The following FHIT variants were observed in gnomAD, a reference collection of about 807,000 sequenced individuals.
FHIT encodes the protein fragile histidine triad diadenosine triphosphatase, also known as bis(5'-adenosyl)-triphosphatase.
FHIT carries 19 observed loss-of-function variants against 17.9 expected under a neutral mutation model. The observed-to-expected ratio is 1.06, with a 90% CI of 0.74 to 1.56. The LOEUF (loss-of-function observed/expected upper bound fraction) is 1.56. FHIT is among the 40% of genes most tolerant of loss of function. The probability of loss-of-function intolerance (pLI) is 0.00; values close to 1 mark genes in which losing one functional copy is unlikely to be tolerated. For synonymous variants in FHIT, 81 were observed against 69.7 expected, an observed-to-expected ratio of 1.16 and a Z score of -0.81; for missense variants, 248 against 189.2, an observed-to-expected ratio of 1.31 and a Z score of -1.82.
At chr3:60,342,711 T>C (rs1338257560) in intron 5 of FHIT, among the ~76,000 whole-genome samples, 1 of 152,170 alleles carries the variant, frequency 6.6e-6, no homozygotes, top group Admixed American at 6.6e-5. Context: ...AGAAGTAAGA[T>C]GTTTAACTAA....
At chr3:60,908,734 G>C (rs62251569) in intron 3 of FHIT, among the ~76,000 whole-genome samples, 1 of 148,412 alleles carries the variant, frequency 6.7e-6, no homozygotes, top group Non-Finnish European at 1.5e-5. Context: ...AAAAAAAAGG[G>C]AGGGGACCAG....
intron 8 of FHIT, among the ~76,000 whole-genome samples, chr3:59,772,384 G>C (rs1178793623): frequency 6.6e-6 from 1 of 152,218 alleles, no homozygotes; most frequent in Non-Finnish European, 1.5e-5. Context: ...AGCAATGCAG[G>C]TGGAAGCCAT....
At chr3:60,225,043 G>T (rs1222267091) in intron 5 of FHIT, among the ~76,000 whole-genome samples, 1 of 152,080 alleles carries the variant, frequency 6.6e-6, no homozygotes, top group Non-Finnish European at 1.5e-5. Flanking sequence ...TTTTAAATCA[G>T]TACTGGAGTA....
chr3:61,223,686 AG>A (rs748665329), intron 1 of FHIT, among the ~76,000 whole-genome samples: 19 of 152,228 alleles, frequency 1.2e-4, no homozygotes, highest in Non-Finnish European at 2.4e-4. Context: ...GGTGTATCTC[AG>A]TAAGTCCCCA....
intron 7 of FHIT, among the ~76,000 whole-genome samples, chr3:59,951,458 T>TA (rs1457963879): frequency 6.6e-6 from 1 of 152,232 alleles, no homozygotes; most frequent in Non-Finnish European, 1.5e-5. Flanking sequence ...AACTATCTTC[T>TA]AGCACTTTCT....
intron 4 of FHIT, among the ~76,000 whole-genome samples, chr3:60,562,583 A>G (rs1298604334): frequency 2.0e-5 from 3 of 152,160 alleles, no homozygotes; most frequent in African/African-American, 7.2e-5. Context: ...GCCTACTTGG[A>G]GGGTATAATA....
At chr3:60,142,678 GTTTCTTTTTTTT>G (rs1308373561) in intron 5 of FHIT, among the ~76,000 whole-genome samples, 4 of 146,108 alleles carry the variant, frequency 2.7e-5, no homozygotes, top group East Asian at 2.0e-4. Flanking sequence ...ACATTTTTGC[GTTTCTTTTTTTT>G]TTTCTTTTTT....
intron 5 of FHIT, among the ~76,000 whole-genome samples, chr3:60,159,563 AC>A (rs1481412304): frequency 4.6e-5 from 7 of 152,218 alleles, no homozygotes; most frequent in African/African-American, 1.7e-4. Context: ...AAAAGCACAC[AC>A]CTTCTTAGCA....
intron 5 of FHIT, among the ~76,000 whole-genome samples, chr3:60,041,131 C>T (rs1362315132): frequency 1.3e-5 from 2 of 152,128 alleles, no homozygotes; most frequent in African/African-American, 2.4e-5. Context: ...AATATTTTTA[C>T]ATCTCCCACC....
At chr3:60,916,275 T>C (rs1436962387) in intron 3 of FHIT, among the ~76,000 whole-genome samples, 1 of 152,232 alleles carries the variant, frequency 6.6e-6, no homozygotes, top group Non-Finnish European at 1.5e-5. Context: ...AATAAATTAC[T>C]AGAAATGGAA....
At chr3:60,542,111 T>C (rs904812377) in intron 4 of FHIT, among the ~76,000 whole-genome samples, 3 of 152,248 alleles carry the variant, frequency 2.0e-5, no homozygotes, top group Non-Finnish European at 2.9e-5. Flanking sequence ...ATTTTTAAAT[T>C]TGTATATAAA....
chr3:59,807,851 T>C (rs1466303624), intron 8 of FHIT, among the ~76,000 whole-genome samples: 1 of 152,192 alleles, frequency 6.6e-6, no homozygotes, highest in East Asian at 1.9e-4. Flanking sequence ...TAAACTTGTT[T>C]GGTTTCATGG....
chr3:60,090,817 C>A, intron 5 of FHIT, among the ~76,000 whole-genome samples: 1 of 152,194 alleles, frequency 6.6e-6, no homozygotes, highest in East Asian at 1.9e-4. Flanking sequence ...TTCTTAGAAG[C>A]AAAGGGCCTG....
chr3:60,075,158 G>T (rs1230445756), intron 5 of FHIT, among the ~76,000 whole-genome samples: 1 of 152,068 alleles, frequency 6.6e-6, no homozygotes, highest in Non-Finnish European at 1.5e-5. Context: ...AGGAAATAAA[G>T]GCACATTTTA....
At chr3:60,765,852 G>A (rs1289467607) in intron 4 of FHIT, among the ~76,000 whole-genome samples, 3 of 152,184 alleles carry the variant, frequency 2.0e-5, no homozygotes, top group African/African-American at 7.2e-5. Flanking sequence ...CTGGCTTGCT[G>A]TGTCTTCTGG....
At chr3:60,127,818 A>G (rs9829738) in intron 5 of FHIT, among the ~76,000 whole-genome samples, 98,490 of 151,860 alleles carry the variant, frequency 0.65, 33,750 homozygotes, top group Non-Finnish European at 0.77. Flanking sequence ...ATTTGTAGAG[A>G]TGAGGCCTTA....
At chr3:59,973,333 G>A (rs1264144443) in intron 7 of FHIT, among the ~76,000 whole-genome samples, 1 of 152,030 alleles carries the variant, frequency 6.6e-6, no homozygotes, top group Admixed American at 6.6e-5. Context: ...GAAGGCTTTA[G>A]TTGGCCCCAT....
At chr3:60,887,798 A>C (rs1553759649) in intron 3 of FHIT, among the ~76,000 whole-genome samples, 6 of 152,218 alleles carry the variant, frequency 3.9e-5, no homozygotes, top group Non-Finnish European at 8.8e-5. Flanking sequence ...GGGGGACAGG[A>C]GGAGACAAGC....
At chr3:60,575,361 TCAAA>T (rs1184786588) in intron 4 of FHIT, among the ~76,000 whole-genome samples, 3 of 152,136 alleles carry the variant, frequency 2.0e-5, no homozygotes, top group African/African-American at 7.2e-5. Flanking sequence ...ACTTTTAGTA[TCAAA>T]CAAACAATTC....
Sources: gnomAD v4.1 joint callset for allele counts (sites outside exome capture counted in the v4.1 genomes callset) on GRCh38, gnomAD v4.1.1 for gene constraint, MANE v1.5 for transcripts, NCBI Gene and HGNC (gene_info 2026-07-23, HGNC 2026-07-21) for gene names.